The following ERO1B variants were observed in gnomAD, a reference collection of about 807,000 sequenced individuals.
ERO1B encodes the protein endoplasmic reticulum oxidoreductase 1 beta.
A neutral mutation model predicts 75.3 loss-of-function variants in ERO1B; 49 were observed. The observed-to-expected ratio is 0.65, with a 90% CI of 0.52 to 0.83. The LOEUF is 0.83. Ranked by LOEUF, ERO1B falls within the 40% of genes least tolerant of loss-of-function variation. The pLI is 0.00. For synonymous variants in ERO1B, 191 were observed against 192.9 expected, an observed-to-expected ratio of 0.99 and a Z score of 0.08; for missense variants, 512 against 560.1, an observed-to-expected ratio of 0.91 and a Z score of 0.87.
chr1:236,249,378 C>T (rs1003419679), intron 5 of ERO1B, among the ~76,000 whole-genome samples: 1 of 152,108 alleles, frequency 6.6e-6, no homozygotes, highest in African/African-American at 2.4e-5. Context: ...TGAAATATCT[C>T]ATTCCCAACT....
intron 2 of ERO1B, among the ~76,000 whole-genome samples, chr1:236,259,963 G>T (rs552490128): frequency 6.6e-6 from 1 of 152,268 alleles, no homozygotes; most frequent in East Asian, 1.9e-4. Context: ...CATTCTCCAG[G>T]ATAGAGCATG....
intron 13 of ERO1B, among the ~76,000 whole-genome samples, chr1:236,223,068 G>A (rs1404072169): frequency 6.6e-6 from 1 of 151,960 alleles, no homozygotes; most frequent in African/African-American, 2.4e-5. Flanking sequence ...CAGGTGTGGT[G>A]GTGCATGCCT....
At chr1:236,231,478 T>C (rs908848469) in intron 9 of ERO1B, among the ~76,000 whole-genome samples, 3 of 150,696 alleles carry the variant, frequency 2.0e-5, no homozygotes, top group African/African-American at 7.3e-5. Flanking sequence ...TGTATACATA[T>C]TTCAAAACAT....
rs552819180 is a variant in ERO1B, at chr1:236,281,440, C to T, written c.102+242G>A. 3.7e-5 allele frequency: 14 copies of T among 374,276 alleles called. No individual in the cohort carries two copies. In the South Asian group the frequency reaches 1.8e-3, roughly 49 times the overall value. The allele number at this position is 374,276 out of a possible 1,614,324, so 23.2% of individuals were successfully genotyped here. ...CGAAAACAGCTCAGGGGGACCGTCA[C>T]CATCTTCCTCTTTTGACTGCCATTA... On this transcript the variant is annotated intron_variant, in intron 1 of 15. Coordinates refer to ENST00000354619, the MANE Select transcript of ERO1B (RefSeq NM_019891.4).
chr1:236,261,049 A>G (rs1665284400), intron 2 of ERO1B, among the ~76,000 whole-genome samples: 5 of 152,220 alleles, frequency 3.3e-5, no homozygotes, highest in Admixed American at 3.3e-4. Flanking sequence ...AGCAAATTAA[A>G]GACAAAAGCC....
intron 4 of ERO1B, chr1:236,251,504 G>A: frequency 1.0e-6 from 1 of 970,962 alleles, no homozygotes; most frequent in Non-Finnish European, 1.2e-6. Flanking sequence ...ACGCAAAGGA[G>A]GCACAAGAAG....
intron 6 of ERO1B, 75 bp from the exon 7 acceptor site, chr1:236,236,473 G>A (rs1416073890): frequency 9.9e-6 from 15 of 1,509,958 alleles, no homozygotes; most frequent in Middle Eastern, 1.9e-4. Context: ...AAAGCAAACC[G>A]GACTACTCAA....
chr1:236,250,555 T>C (rs1254096595), intron 4 of ERO1B, among the ~76,000 whole-genome samples: 1 of 105,388 alleles, frequency 9.5e-6, no homozygotes, highest in East Asian at 3.2e-4. Context: ...ACAACCCTCT[T>C]GGGAAGTAAA....
At position 236,249,758 on chromosome 1, in the gene ERO1B, T is replaced by G. The variant is rs938614442; in HGVS notation, c.431+127A>C. 1.2e-5 allele frequency: 8 copies of G among 645,374 alleles called. No homozygotes were observed. The South Asian group carries it at 2.0e-4, about 16-fold the overall frequency. 40.0% of individuals were successfully genotyped at this position (645,374 alleles called of 1,614,324 possible). On this transcript the variant is annotated intron_variant, in intron 5 of 15. Coordinates refer to ENST00000354619, the MANE Select transcript of ERO1B (RefSeq NM_019891.4). ...TGAAATTTAGGATAAAGAAAAACTT[T>G]TTCTTCCTTTTAAAAATATATTAGT...
intron 8 of ERO1B, among the ~76,000 whole-genome samples, chr1:236,233,817 G>A (rs1185006862): frequency 6.6e-6 from 1 of 152,156 alleles, no homozygotes; most frequent in Non-Finnish European, 1.5e-5. Context: ...GCCTTAGTAA[G>A]AGTATATCCC....
chr1:236,241,377 C>G (rs1472340781), intron 6 of ERO1B, among the ~76,000 whole-genome samples: 2 of 140,012 alleles, frequency 1.4e-5, no homozygotes, highest in Non-Finnish European at 3.1e-5. Flanking sequence ...AACCCTGTCT[C>G]TACTAAAAAT....
chr1:236,235,747 T>C, intron 8 of ERO1B, 42 bp downstream of exon 8: 2 of 1,533,764 alleles, frequency 1.3e-6, no homozygotes, highest in Non-Finnish European at 1.8e-6. Context: ...AGACATTTTA[T>C]AAACAATGAA....
chr1:236,281,338 A>G (rs1308626393), intron 1 of ERO1B: 4 of 186,752 alleles, frequency 2.1e-5, no homozygotes, highest in Admixed American at 1.2e-4. Flanking sequence ...CTCCCTTCGC[A>G]AGACAGCCGA....
chr1:236,256,080 T>G (rs1346037033), intron 2 of ERO1B, among the ~76,000 whole-genome samples: 1 of 152,194 alleles, frequency 6.6e-6, no homozygotes, highest in African/African-American at 2.4e-5. Flanking sequence ...CTATGTGCCT[T>G]CTTCCCCTGG....
intron 2 of ERO1B, among the ~76,000 whole-genome samples, chr1:236,263,141 A>C (rs769164862): frequency 6.6e-6 from 1 of 152,060 alleles, no homozygotes; most frequent in Non-Finnish European, 1.5e-5. Flanking sequence ...GTATACCCTA[A>C]CTAAGCTCTT....
chr1:236,255,589 A>G (rs1160607354), intron 2 of ERO1B, among the ~76,000 whole-genome samples: 1 of 152,172 alleles, frequency 6.6e-6, no homozygotes, highest in African/African-American at 2.4e-5. Flanking sequence ...TACAGAGAAG[A>G]AGGCAAAAAT....
In ERO1B at chr1:236,249,905, T is replaced by A. The variant is rs773686513; in HGVS notation, c.411A>T (p.Gly137=). The A allele has an allele frequency of 6.3e-7, 1 of 1,597,162 alleles. No homozygotes were observed. The change falls in exon 5 of 16, where the codon GGA becomes GGT. Residue 137 remains glycine (G), a synonymous_variant. Coordinates refer to ENST00000354619, the MANE Select transcript of ERO1B (RefSeq NM_019891.4). ...LEDCEQANKL[G]AINSTLSNQS... is the part of the protein sequence containing the mutation. ...CTTGCCTTAATGTGCTGTTAATTGC[T>A]CCCAGTTTATTAGCTTGCTCACAAT...
At chr1:236,260,596 T>C (rs1055664602) in intron 2 of ERO1B, among the ~76,000 whole-genome samples, 4 of 148,652 alleles carry the variant, frequency 2.7e-5, no homozygotes, top group African/African-American at 7.5e-5. Flanking sequence ...ACCCAGGAGA[T>C]GGAGGTTGCA....
intron 2 of ERO1B, among the ~76,000 whole-genome samples, chr1:236,259,635 G>C (rs1048872433): frequency 2.0e-5 from 3 of 152,078 alleles, no homozygotes; most frequent in African/African-American, 7.2e-5. Flanking sequence ...TGTAAAAAGA[G>C]ATAAAGAAGG....
Sources: gnomAD v4.1 joint callset for allele counts (sites outside exome capture counted in the v4.1 genomes callset) on GRCh38, gnomAD v4.1.1 for gene constraint, MANE v1.5 for transcripts, NCBI Gene and HGNC (gene_info 2026-07-23, HGNC 2026-07-21) for gene names.